GTPBP1: variants seen among roughly 807,000 people sequenced by gnomAD.
GTPBP1 encodes GTP-binding protein 1.
GTPBP1 carries 23 observed loss-of-function variants against 62.0 expected under a neutral mutation model. That is an observed-to-expected ratio of 0.37 (90% confidence interval 0.27 to 0.53). The LOEUF (loss-of-function observed/expected upper bound fraction) is 0.53. Among genes scored for constraint, GTPBP1 ranks in the 20% least tolerant of loss-of-function variants. The pLI is 0.89. For missense variants in GTPBP1, 640 were observed against 917.3 expected (o/e 0.70, Z 3.90); for synonymous variants, 344 against 364.4 (o/e 0.94, Z 0.64).
downstream of GTPBP1, chr22:38,739,595 A>G (rs950451110): frequency 2.3e-6 from 3 of 1,317,688 alleles, no homozygotes; most frequent in African/African-American, 2.9e-5. This position sits in a 1 kb window ranked among gnomAD's most constrained non-coding sequence, Gnocchi z 6.7. Flanking sequence ...GCCCCACAGC[A>G]TGCAAAGCCT....
Position 38,725,267 on chromosome 22 carries a change from T to G in GTPBP1, c.1074-739T>G, listed in dbSNP as rs1046489202. 2.6e-5 allele frequency: 4 copies of G among 152,292 alleles called. 1 individual carries two copies. The highest frequency in any genetic ancestry group is 5.9e-5 in the Non-Finnish European group (4 of 68,090). The allele number at this position is 152,292 out of a possible 1,614,324, so 9.4% of individuals were successfully genotyped here. A position where few individuals can be genotyped will look rare whatever the true frequency, so the allele number is the denominator to read the frequency against. On this transcript the variant is annotated intron_variant, in intron 6 of 11. Coordinates refer to ENST00000216044, the MANE Select transcript of GTPBP1 (RefSeq NM_004286.5). ...TGTGTAATTCGTGATCTCAAGGATT[T>G]TAATTCAGTCACCCTGAATAGGAGC... is the stretch of plus-strand genomic sequence containing the variant.
At chr22:38,740,901 A>G, downstream of GTPBP1, 3 of 1,253,096 alleles carry the variant, frequency 2.4e-6, no homozygotes, top group South Asian at 3.8e-5. The surrounding 1 kb of genome is among the most constrained non-coding windows in gnomAD (Gnocchi z 4.8). Context: ...TCTGCTTGGC[A>G]AGATGATCAG....
At position 38,716,006 on chromosome 22, in the gene GTPBP1, G is replaced by A. The variant is rs1319001864; in HGVS notation, c.404G>A (p.Arg135Gln). 2 of 1,613,982 alleles carry A rather than the reference G, an allele frequency of 1.2e-6. No homozygotes were observed. Among genetic ancestry groups the A allele is most frequent in the African/African-American group, 1.3e-5 (1 of 74,880 alleles). Residue 135 changes from arginine to glutamine, a missense_variant, in exon 3 of 12, where the codon CGG (arginine) becomes CAG (glutamine). Transcript: ENST00000216044. The surrounding 1 kb of genome is among the most constrained non-coding windows in gnomAD (Gnocchi z 5.2). ...ATAGAGGCCGATGTCATCCTTCTGCGGGAACGGCAAGAAGCTGGGGGCCGC... is the reference window on the plus strand; with the variant it reads ...ATAGAGGCCGATGTCATCCTTCTGCAGGAACGGCAAGAAGCTGGGGGCCGC... ...EQIEADVILL[R>Q]ERQEAGGRVR... is the part of the protein sequence containing the mutation.
downstream of GTPBP1, among the ~76,000 whole-genome samples, chr22:38,737,432 C>T (rs2097039562): frequency 3.9e-5 from 6 of 152,318 alleles, no homozygotes; most frequent in South Asian, 1.2e-3. This position sits in a 1 kb window ranked among gnomAD's most constrained non-coding sequence, Gnocchi z 4.1. Context: ...TGCTTTCCCT[C>T]AACCACTTCC....
chr22:38,707,058 G>A (rs2092609406), intron 1 of GTPBP1, among the ~76,000 whole-genome samples: 1 of 152,188 alleles, frequency 6.6e-6, no homozygotes, highest in South Asian at 2.1e-4. Flanking sequence ...TAACCTTTCA[G>A]TTCTCCAACC....
Position 38,716,868 on chromosome 22 carries a change from C to T in GTPBP1, c.702C>T (p.Ser234=), listed in dbSNP as rs1449301148. The stretch of plus-strand genomic sequence containing the variant: ...ACAAGCCTGACAGCCACGGCGGCAG[C>T]CTGGAGTGGACCAAGATCTGTGAGA... The part of the protein sequence containing the change: ...VVNKPDSHGG[S]LEWTKICEKS... Residue 234 remains serine, a synonymous_variant, in exon 4 of 12, where the codon AGC becomes AGT. Coordinates refer to ENST00000216044, the MANE Select transcript of GTPBP1 (RefSeq NM_004286.5). This position sits in a 1 kb window ranked among gnomAD's most constrained non-coding sequence, Gnocchi z 5.2. 4.3e-6 allele frequency: 7 copies of T among 1,613,940 alleles called. No homozygotes were observed. In the African/African-American group the frequency reaches 8.0e-5, roughly 18 times the overall value.
intron 1 of GTPBP1, chr22:38,706,512 C>G (rs937010453): frequency 6.6e-4 from 116 of 175,032 alleles, no homozygotes; most frequent in Non-Finnish European, 7.2e-5. Flanking sequence ...CGGGTCCCCA[C>G]TTGAGGGGAT....
rs894258924 is a variant in GTPBP1 at position 38,727,058 on chromosome 22, C to T, written c.1402-155C>T. 1.3e-5 allele frequency among the ~76,000 whole-genome samples: 2 copies of T among 152,112 alleles called. No individual in the cohort carries two copies. Among genetic ancestry groups the T allele is most frequent in the African/African-American group, 2.4e-5 (1 of 41,412 alleles). ...CCATGGAGCACTGAGGGTGCTCGTG[C>T]TGTCCACCCTAGAAGGCCTGTGGTC... On this transcript the variant is annotated intron_variant, in intron 8 of 11. Transcript: ENST00000216044. The surrounding 1 kb of genome is among the most constrained non-coding windows in gnomAD (Gnocchi z 6.5).
downstream of GTPBP1, chr22:38,742,154 A>T: frequency 9.0e-7 from 1 of 1,108,972 alleles, no homozygotes; most frequent in South Asian, 1.8e-5. Flanking sequence ...AAAAGAAAAA[A>T]AAAAAAGAAA....
intron 4 of GTPBP1, among the ~76,000 whole-genome samples, chr22:38,719,845 G>A (rs189641206): frequency 2.1e-4 from 32 of 151,136 alleles, no homozygotes; most frequent in Admixed American, 5.3e-4. Flanking sequence ...TATTTCAGAT[G>A]TTTCCCAAAT....
At chr22:38,736,243 G>A (rs753127205), downstream of GTPBP1, 1 of 1,601,466 alleles carries the variant, frequency 6.2e-7, no homozygotes, top group Non-Finnish European at 8.5e-7. Flanking sequence ...CCAGATGGCT[G>A]GCAGCAGGCA....
chr22:38,725,738 T>G, intron 6 of GTPBP1: 3 of 454,856 alleles, frequency 6.6e-6, no homozygotes, highest in Non-Finnish European at 1.2e-5. Flanking sequence ...GGTTCCAAAC[T>G]AGGGCAGTGG....
At position 38,716,202 on chromosome 22, in the gene GTPBP1, T is replaced by TCCC; in HGVS notation, c.485+115_485+116insCCC. ...TTCCCCTCCTGAGGCGGGGAAAGAG[T>TCCC]GTCCAGGTGTCTGGAGACGTGGGCT... On this transcript the variant is annotated intron_variant, in intron 3 of 11. Coordinates refer to ENST00000216044, the MANE Select transcript of GTPBP1 (RefSeq NM_004286.5). The surrounding 1 kb of genome is among the most constrained non-coding windows in gnomAD (Gnocchi z 5.2). 1.2e-6 allele frequency: 1 copy of TCCC among 840,880 alleles called. No homozygotes were observed. Among genetic ancestry groups the TCCC allele is most frequent in the South Asian group, 1.6e-5 (1 of 64,046 alleles). The allele number at this position is 840,880 out of a possible 1,614,324, so 52.1% of individuals were successfully genotyped here.
At chr22:38,713,383 T>C (rs574230882) in intron 2 of GTPBP1, among the ~76,000 whole-genome samples, 1 of 151,870 alleles carries the variant, frequency 6.6e-6, no homozygotes, top group South Asian at 2.1e-4. Flanking sequence ...CCTTAAGGGG[T>C]TGGTTGGAGG....
chr22:38,715,952 A>G lies in GTPBP1; in HGVS notation c.350A>G (p.Tyr117Cys). ...AGTGAAGCTGACATGGAGGCCTCCT[A>G]CGCCACAGTGAAGAGCATGGCGGAA... is the stretch of plus-strand genomic sequence containing the variant. ...GLSEADMEAS[Y>C]ATVKSMAEQI... is the part of the protein sequence containing the mutation. The change falls in exon 3 of 12, where the codon TAC (tyrosine) becomes TGC (cysteine). Residue 117 changes from tyrosine to cysteine, a missense_variant. By Grantham distance (194) the Tyr-to-Cys change is radical (BLOSUM62 -2). Around this residue, in one of 4 missense-constraint regions of GTPBP1, gnomAD observed 215 missense variants for 235.1 expected, o/e 0.91. Transcript: ENST00000216044. 3.7e-6 allele frequency: 6 copies of G among 1,613,916 alleles called. No individual in the cohort carries two copies. Among genetic ancestry groups the G allele is most frequent in the Non-Finnish European group, 5.1e-6 (6 of 1,179,912 alleles).
intron 5 of GTPBP1, among the ~76,000 whole-genome samples, chr22:38,722,174 C>T (rs1160852605): frequency 6.6e-6 from 1 of 152,080 alleles, no homozygotes; most frequent in Admixed American, 6.5e-5. Flanking sequence ...AGTAAAATGA[C>T]TAGGTAAACT....
chr22:38,734,174 C>T, downstream of GTPBP1: 1 of 341,034 alleles, frequency 2.9e-6, no homozygotes. Context: ...AGCCCTGGGC[C>T]AGGTGCCACG....
At chr22:38,708,071 T>G (rs1225939647) in intron 1 of GTPBP1, among the ~76,000 whole-genome samples, 2 of 152,248 alleles carry the variant, frequency 1.3e-5, no homozygotes, top group Admixed American at 1.3e-4. Flanking sequence ...ATGCTTTACA[T>G]GTTATTATAT....
chr22:38,736,554 G>A, downstream of GTPBP1: 1 of 503,602 alleles, frequency 2.0e-6, no homozygotes, highest in Non-Finnish European at 3.5e-6. Context: ...CCTGAGCAGT[G>A]TTTCCAGCCA....
Sources: gnomAD v4.1 joint callset for allele counts (sites outside exome capture counted in the v4.1 genomes callset) on GRCh38, gnomAD v4.1.1 for gene constraint, gnomAD v4.1.1 regional missense constraint, Gnocchi (gnomAD v3.1) non-coding constraint, MANE v1.5 for transcripts, NCBI Gene and HGNC (gene_info 2026-07-23, HGNC 2026-07-21) for gene names.